Variants in ADAR observed in about 807,000 individuals in gnomAD.
ADAR encodes the protein adenosine deaminase RNA specific, also known as double-stranded RNA-specific adenosine deaminase.
ADAR carries 41 observed loss-of-function variants against 113.2 expected under a neutral mutation model. That is an observed-to-expected ratio of 0.36 (90% CI 0.28 to 0.47). The LOEUF is 0.47. ADAR is among the 20% of genes least tolerant of loss of function. The pLI, the probability that ADAR is intolerant of heterozygous loss-of-function variation, is 1.00. For missense variants in ADAR, 1,242 were observed against 1,540.9 expected (o/e 0.81, Z 3.25); for synonymous variants, 605 against 572.6 (o/e 1.06, Z -0.81).
At position 154,588,553 on chromosome 1, in the gene ADAR, G is replaced by A; in HGVS notation, c.2883C>T (p.Ile961=). 1 of 1,613,936 alleles carries A rather than the reference G, an allele frequency of 6.2e-7. No homozygotes were observed. ...GCAGCAACAGGAACTGTACAGACCT[G>A]ATATACAGATGGAATGACACAGTCT... ...IKKTVSFHLY[I]STAPCGDGAL... Residue 961 remains isoleucine, a splice_region_variant and synonymous_variant, in exon 10 of 15, where the codon ATC becomes ATT. Coordinates refer to ENST00000368474, the MANE Select transcript of ADAR (RefSeq NM_001111.5).
At chr1:154,624,134 T>C (rs763290895) in intron 1 of ADAR, among the ~76,000 whole-genome samples, 1 of 152,314 alleles carries the variant, frequency 6.6e-6, no homozygotes, top group Admixed American at 6.5e-5. Flanking sequence ...GATCCAGCCA[T>C]GCCTGAAGCT....
At chr1:154,608,211 A>G, upstream of ADAR, 1 of 593,810 alleles carries the variant, frequency 1.7e-6, no homozygotes, top group South Asian at 2.4e-5. Flanking sequence ...TTCCTCGGAA[A>G]GCCTTCCCCT....
chr1:154,625,529 T>C (rs1020803702), intron 1 of ADAR, among the ~76,000 whole-genome samples: 1 of 152,224 alleles, frequency 6.6e-6, no homozygotes, highest in Non-Finnish European at 1.5e-5. Context: ...ATATGTAAAG[T>C]GCTCAACACC....
rs1696658235 is a variant in ADAR at position 154,585,063 on chromosome 1, C to T, written c.3444-20G>A. Reference sequence around the variant, plus strand: ...CGTGGCCTAGAGAAACAAAAGCACTCATTATTCACCTGGGACCTGTAAGAT... The same window carrying T: ...CGTGGCCTAGAGAAACAAAAGCACTTATTATTCACCTGGGACCTGTAAGAT... On this transcript the variant is annotated intron_variant, in intron 14 of 14. Transcript: ENST00000368474. The T allele has an allele frequency of 1.2e-6, 2 of 1,612,736 alleles. No homozygotes were observed. Among genetic ancestry groups the T allele is most frequent in the African/African-American group, 2.7e-5 (2 of 74,862 alleles).
At chr1:154,611,894 A>G (rs531016826), upstream of ADAR, among the ~76,000 whole-genome samples, 6 of 152,384 alleles carry the variant, frequency 3.9e-5, no homozygotes, top group Non-Finnish European at 4.4e-5. Context: ...CTCTAGCTCT[A>G]TAGGTGCATT....
rs200830156 is a variant in ADAR, at chr1:154,601,099, C to A, written c.1543G>T (p.Ala515Ser). The A allele has an allele frequency of 2.5e-4, 410 of 1,614,046 alleles. No homozygotes were observed. Among genetic ancestry groups the A allele is most frequent in the Non-Finnish European group, 3.4e-4 (404 of 1,180,040 alleles). Reference protein sequence around the residue: ...ISGLLEYAQFASQTCEFNMIE... With the variant: ...ISGLLEYAQFSSQTCEFNMIE... Reference sequence around the variant, plus strand: ...ATGTTGAACTCACAGGTTTGACTAGCGAACTGGGCATATTCTAACAGCCCG... The same window carrying A: ...ATGTTGAACTCACAGGTTTGACTAGAGAACTGGGCATATTCTAACAGCCCG... Residue 515 changes from alanine (A) to serine (S), a missense_variant, in exon 2 of 15, where the codon GCT becomes TCT. Ala to Ser is a moderately conservative substitution (Grantham distance 99). Coordinates refer to ENST00000368474, the MANE Select transcript of ADAR (RefSeq NM_001111.5). The surrounding 1 kb of genome is among the most constrained non-coding windows in gnomAD (Gnocchi z 4.7).
intron 6 of ADAR, among the ~76,000 whole-genome samples, chr1:154,595,718 A>T (rs1181145280): frequency 6.6e-6 from 1 of 152,182 alleles, no homozygotes; most frequent in Non-Finnish European, 1.5e-5. Flanking sequence ...TTAAAGAAAA[A>T]TATTTTAAAT....
Position 154,582,987 on chromosome 1 carries a change from T to C in ADAR, c.*1819A>G, listed in dbSNP as rs1260217602. On this transcript the variant is annotated 3_prime_UTR_variant, in exon 15 of 15. Transcript: ENST00000368474. Reference sequence around the variant, plus strand: ...TAGAACTTGCATTTTCTTACTTTGGTCAATTTTTGGTCAAAAGTACAGAGA... The same window carrying C: ...TAGAACTTGCATTTTCTTACTTTGGCCAATTTTTGGTCAAAAGTACAGAGA... 2.0e-5 allele frequency: 3 copies of C among 152,244 alleles called. No individual in the cohort carries two copies. Among genetic ancestry groups the C allele is most frequent in the African/African-American group, 7.2e-5 (3 of 41,454 alleles). The allele number at this position is 152,244 out of a possible 1,614,324, so 9.4% of individuals were successfully genotyped here.
chr1:154,596,367 A>C (rs1260504269), intron 6 of ADAR, among the ~76,000 whole-genome samples: 2 of 151,606 alleles, frequency 1.3e-5, no homozygotes, highest in African/African-American at 4.9e-5. Flanking sequence ...CTGCCTCCCG[A>C]GTAGCTGGGA....
At chr1:154,618,785 A>G (rs562958433) in intron 1 of ADAR, among the ~76,000 whole-genome samples, 1 of 152,294 alleles carries the variant, frequency 6.6e-6, no homozygotes, top group African/African-American at 2.4e-5. Flanking sequence ...AAATGTATTG[A>G]CAGACTAAGT....
Position 154,602,298 on chromosome 1 carries a change from C to T in ADAR, c.344G>A (p.Gly115Asp), listed in dbSNP as rs1557888972. 1 of 1,613,908 alleles carries T rather than the reference C, an allele frequency of 6.2e-7. No homozygotes were observed. The highest frequency in any genetic ancestry group is 2.2e-5 in the East Asian group (1 of 44,880). ...AACACCTCTCTGTGGCAGACTCCTG[C>T]CACGTGGTGAAGGATGCTGGAACCC... Reference protein sequence around the residue: ...QRGFQHPSPRGRSLPQRGVDC... With the variant: ...QRGFQHPSPRDRSLPQRGVDC... The change falls in exon 2 of 15, where the codon GGC (glycine) becomes GAC (aspartate). Residue 115 changes from glycine (G) to aspartate (D), a missense_variant. Around this residue, in one of 2 missense-constraint regions of ADAR, gnomAD observed 462 missense variants for 483.1 expected, o/e 0.96. Transcript: ENST00000368474.
In ADAR at chr1:154,601,008, A is replaced by T. The variant is rs1400225100; in HGVS notation, c.1601+33T>A. Reference sequence around the variant, plus strand: ...GTCAGGAGCAAAAGCACCTGACCCCAACCCTAGGTACAGTTCCTGGGTGGT... The same window carrying T: ...GTCAGGAGCAAAAGCACCTGACCCCTACCCTAGGTACAGTTCCTGGGTGGT... On this transcript the variant is annotated intron_variant, in intron 2 of 14. Coordinates refer to ENST00000368474, the MANE Select transcript of ADAR (RefSeq NM_001111.5). This position sits in a 1 kb window ranked among gnomAD's most constrained non-coding sequence, Gnocchi z 4.7. 8 of 1,613,574 alleles carry T rather than the reference A, an allele frequency of 5.0e-6. No homozygotes were observed. The highest frequency in any genetic ancestry group is 6.8e-6 in the Non-Finnish European group (8 of 1,180,022).
rs1445947516 is a variant in ADAR at position 154,598,430 on chromosome 1, T to A, written c.1757A>T (p.His586Leu). Reference sequence around the variant, plus strand: ...CTCTGATTCTTTCTCTGTGGAATAGTGGGATGATTCTTCTGATTTTCCACT... The same window carrying A: ...CTCTGATTCTTTCTCTGTGGAATAGAGGGATGATTCTTCTGATTTTCCACT... Reference protein sequence around the residue: ...KDSGKSEESSHYSTEKESEKT... With the variant: ...KDSGKSEESSLYSTEKESEKT... Residue 586 changes from histidine to leucine, a missense_variant, in exon 3 of 15, where the codon CAC becomes CTC. This residue lies in a region of ADAR where 780 missense variants were observed against 1,057.9 expected (regional missense o/e 0.74). Coordinates refer to ENST00000368474, the MANE Select transcript of ADAR (RefSeq NM_001111.5). 1 of 1,614,122 alleles carries A rather than the reference T, an allele frequency of 6.2e-7. No homozygotes were observed. Among genetic ancestry groups the A allele is most frequent in the East Asian group, 2.2e-5 (1 of 44,882 alleles).
intron 7 of ADAR, 84 bp from the exon 8 acceptor site, chr1:154,590,012 A>C: frequency 6.4e-7 from 1 of 1,568,768 alleles, no homozygotes; most frequent in East Asian, 2.3e-5. Flanking sequence ...ATCAAGCTCT[A>C]CTTGTCGTGT....
rs541903705 is a variant in ADAR, at chr1:154,590,817, G to A, written c.2271-408C>T. Among the ~76,000 whole-genome samples the A allele has an allele frequency of 2.0e-4, 31 of 151,946 alleles. 1 individual carries two copies. The highest frequency in any genetic ancestry group is 1.2e-3 in the Admixed American group (18 of 15,252). On this transcript the variant is annotated intron_variant, in intron 6 of 14. Transcript: ENST00000368474. ...AAAAAAAAAAAATTTAGCTGGGCAC[G>A]GTGGTCTGTGCCTATAGTCTCAGCT...
chr1:154,615,708 C>T (rs1228952630), intron 1 of ADAR, among the ~76,000 whole-genome samples: 7 of 152,216 alleles, frequency 4.6e-5, no homozygotes, highest in Non-Finnish European at 7.3e-5. Flanking sequence ...GCCACCATGC[C>T]TCACCACATT....
In ADAR at chr1:154,584,728, A is replaced by G. The variant is rs1257023477; in HGVS notation, c.*78T>C. 3 of 1,233,880 alleles carry G rather than the reference A, an allele frequency of 2.4e-6. No homozygotes were observed. Among genetic ancestry groups the G allele is most frequent in the South Asian group, 1.3e-5 (1 of 77,650 alleles). 76.4% of individuals were successfully genotyped at this position (1,233,880 alleles called of 1,614,324 possible). A position where few individuals can be genotyped will look rare whatever the true frequency, so the allele number is the denominator to read the frequency against. On this transcript the variant is annotated 3_prime_UTR_variant, in exon 15 of 15. Coordinates refer to ENST00000368474, the MANE Select transcript of ADAR (RefSeq NM_001111.5). ...AAGGAGAAAAAAAAATCCCCTGACC[A>G]TGTGATGAGGAATGCTACGACCTAC...
In ADAR at chr1:154,590,148, C is replaced by G. The variant is rs1553209436; in HGVS notation, c.2496+36G>C. The G allele has an allele frequency of 7.7e-6, 7 of 909,958 alleles. 1 individual carries two copies. Among genetic ancestry groups the G allele is most frequent in the East Asian group, 5.6e-5 (2 of 35,586 alleles). 56.4% of individuals were successfully genotyped at this position (909,958 alleles called of 1,614,324 possible). ...CACTTAGGAGTTAGGAGGACCCCCC[C>G]GCCCCAAAAAAGGCACCAAAAGTAG... is the stretch of plus-strand genomic sequence containing the variant. On this transcript the variant is annotated intron_variant, in intron 7 of 14. Transcript: ENST00000368474.
chr1:154,612,546 C>T (rs552265582), upstream of ADAR, among the ~76,000 whole-genome samples: 3 of 151,886 alleles, frequency 2.0e-5, no homozygotes, highest in African/African-American at 7.2e-5. Flanking sequence ...CCAGGATGGT[C>T]TCGATCTCCT....
Sources: allele counts gnomAD v4.1 joint callset (sites outside exome capture counted in the v4.1 genomes callset), GRCh38; gene constraint gnomAD v4.1.1; regional missense constraint gnomAD v4.1.1; non-coding constraint Gnocchi (gnomAD v3.1); transcripts MANE v1.5; gene names NCBI Gene and HGNC (gene_info 2026-07-23, HGNC 2026-07-21).